Variants in PPFIA2 observed in about 807,000 individuals in gnomAD.
PPFIA2 encodes the protein liprin-alpha-2.
A neutral mutation model predicts 175.5 loss-of-function variants in PPFIA2; 46 were observed. That is an observed-to-expected ratio of 0.26 (90% confidence interval 0.21 to 0.34). The LOEUF is 0.34. Ranked by LOEUF, PPFIA2 falls within the 10% of genes least tolerant of loss-of-function variation. The probability of loss-of-function intolerance (pLI) is 1.00; values close to 1 mark genes in which losing one functional copy is unlikely to be tolerated. For synonymous variants in PPFIA2, 568 were observed against 511.4 expected, an observed-to-expected ratio of 1.11 and a Z score of -1.49; for missense variants, 1,179 against 1,506.1, an observed-to-expected ratio of 0.78 and a Z score of 3.60.
At chr12:81,313,172 T>G (rs1594632152) in intron 22 of PPFIA2, among the ~76,000 whole-genome samples, 2 of 152,108 alleles carry the variant, frequency 1.3e-5, no homozygotes, top group African/African-American at 4.8e-5. Context: ...GGAAGTTAAA[T>G]AATTCAACAA....
chr12:81,553,858 C>A (rs543159363), intron 4 of PPFIA2, among the ~76,000 whole-genome samples: 204 of 152,002 alleles, frequency 1.3e-3, no homozygotes, highest in African/African-American at 4.5e-3. Flanking sequence ...CAGTAAATAA[C>A]TGAGATATAA....
At chr12:81,736,688 A>T (rs2081617750) in intron 3 of PPFIA2, among the ~76,000 whole-genome samples, 1 of 152,028 alleles carries the variant, frequency 6.6e-6, no homozygotes, top group Non-Finnish European at 1.5e-5. Context: ...TGAAAATGGT[A>T]ACTGCTTATT....
intron 4 of PPFIA2, among the ~76,000 whole-genome samples, chr12:81,584,415 G>T (rs1053148951): frequency 6.6e-6 from 1 of 151,710 alleles, no homozygotes; most frequent in Non-Finnish European, 1.5e-5. Context: ...GCTTCTTATA[G>T]TCCTATTATA....
At chr12:81,727,151 T>G (rs1214521595) in intron 3 of PPFIA2, among the ~76,000 whole-genome samples, 2 of 151,304 alleles carry the variant, frequency 1.3e-5, no homozygotes, top group Non-Finnish European at 3.0e-5. Flanking sequence ...GGCCAAGGAA[T>G]TCTGGGTTCC....
chr12:81,306,823 T>A (rs928166437), intron 22 of PPFIA2, among the ~76,000 whole-genome samples: 3 of 152,148 alleles, frequency 2.0e-5, no homozygotes, highest in Admixed American at 2.0e-4. Flanking sequence ...ATTACTGACA[T>A]GAGCCACTGT....
chr12:81,323,255 T>C (rs991243181), intron 22 of PPFIA2, among the ~76,000 whole-genome samples: 1 of 152,008 alleles, frequency 6.6e-6, no homozygotes, highest in African/African-American at 2.4e-5. Context: ...CAAAGACTAA[T>C]GAATCTCTGC....
chr12:81,709,711 T>A (rs1312605623), intron 3 of PPFIA2, among the ~76,000 whole-genome samples: 1 of 152,126 alleles, frequency 6.6e-6, no homozygotes, highest in East Asian at 1.9e-4. Flanking sequence ...ACCATTTCAG[T>A]ACACTAGATT....
chr12:81,586,535 T>G (rs778183613), intron 4 of PPFIA2, among the ~76,000 whole-genome samples: 7 of 151,854 alleles, frequency 4.6e-5, no homozygotes, highest in Non-Finnish European at 8.8e-5. Context: ...ATATACATAT[T>G]TATGACTATA....
At chr12:81,597,439 C>T (rs1238053524) in intron 4 of PPFIA2, among the ~76,000 whole-genome samples, 1 of 151,934 alleles carries the variant, frequency 6.6e-6, no homozygotes, top group Non-Finnish European at 1.5e-5. Flanking sequence ...AAACTTGGTT[C>T]TTAAACCTCC....
intron 4 of PPFIA2, among the ~76,000 whole-genome samples, chr12:81,567,055 T>C (rs1001919395): frequency 6.6e-5 from 10 of 152,234 alleles, no homozygotes; most frequent in African/African-American, 2.4e-4. Flanking sequence ...GGAGAAACTT[T>C]CTTTTTCTTG....
At chr12:81,623,062 G>T (rs1263138746) in intron 4 of PPFIA2, among the ~76,000 whole-genome samples, 3 of 152,108 alleles carry the variant, frequency 2.0e-5, no homozygotes, top group Admixed American at 2.0e-4. Flanking sequence ...AAACAAGATA[G>T]TGACTATTCT....
intron 15 of PPFIA2, among the ~76,000 whole-genome samples, chr12:81,359,247 A>C (rs2061291568): frequency 6.6e-6 from 1 of 152,052 alleles, no homozygotes; most frequent in Non-Finnish European, 1.5e-5. Flanking sequence ...ATATCTGGTA[A>C]CATTAAAAAG....
chr12:81,478,528 T>TAG (rs1456328718), intron 4 of PPFIA2, among the ~76,000 whole-genome samples: 1 of 152,216 alleles, frequency 6.6e-6, no homozygotes, highest in East Asian at 1.9e-4. Flanking sequence ...ATTTTAGATC[T>TAG]TTCCTGCTTT....
At chr12:81,515,922 T>C (rs117150234) in intron 4 of PPFIA2, among the ~76,000 whole-genome samples, 13,872 of 151,982 alleles carry the variant, frequency 0.091, 829 homozygotes, top group Middle Eastern at 0.15. Flanking sequence ...ATTTCCACTA[T>C]ACCAGCACAT....
chr12:81,262,223 A>G (rs964971602), intron 31 of PPFIA2, among the ~76,000 whole-genome samples, 183 bp from the exon 32 acceptor site: 4 of 152,144 alleles, frequency 2.6e-5, no homozygotes, highest in Non-Finnish European at 1.5e-5. Flanking sequence ...ATTTATCCCA[A>G]TGTAAATGAC....
chr12:81,258,180 TG>T lies in PPFIA2; in HGVS notation c.*1513del, dbSNP rs1205288628. Reference sequence around the variant, plus strand: ...AGACTCAATTTTGAAGCTAAATATTTGGGTCACCCAAAGAACACATTTCCTG... The same window carrying T: ...AGACTCAATTTTGAAGCTAAATATTTGGTCACCCAAAGAACACATTTCCTG... On this transcript the variant is annotated 3_prime_UTR_variant, in exon 33 of 33. Transcript: ENST00000549396. The T allele has an allele frequency of 6.6e-6, 1 of 152,148 alleles. No individual in the cohort carries two copies. Among genetic ancestry groups the T allele is most frequent in the Non-Finnish European group, 1.5e-5 (1 of 68,026 alleles). 9.4% of individuals were successfully genotyped at this position (152,148 alleles called of 1,614,324 possible).
chr12:81,274,359 T>G (rs1484684677), intron 28 of PPFIA2, among the ~76,000 whole-genome samples: 1 of 151,818 alleles, frequency 6.6e-6, no homozygotes, highest in African/African-American at 2.4e-5. Flanking sequence ...CTAAGACATA[T>G]TATGTGGTCG....
In PPFIA2 at chr12:81,354,059, T is replaced by C. The variant is rs143831332; in HGVS notation, c.1774-720A>G. Among the ~76,000 whole-genome samples, 353 of 152,332 alleles carry C rather than the reference T, an allele frequency of 2.3e-3. 3 individuals are homozygous for C. Among genetic ancestry groups the C allele is most frequent in the African/African-American group, 8.0e-3 (333 of 41,584 alleles). Reference sequence around the variant, plus strand: ...TATAGCTAAAAAATGCTAATGATCATCTGAGCCTTCAGTGAGTTTTAATCT... The same window carrying C: ...TATAGCTAAAAAATGCTAATGATCACCTGAGCCTTCAGTGAGTTTTAATCT... On this transcript the variant is annotated intron_variant, in intron 16 of 32. Transcript: ENST00000549396.
At chr12:81,321,600 T>C (rs1260044240) in intron 22 of PPFIA2, among the ~76,000 whole-genome samples, 1 of 152,146 alleles carries the variant, frequency 6.6e-6, no homozygotes, top group Non-Finnish European at 1.5e-5. Context: ...GATTTAACTA[T>C]TTGGAGCTTC....
Sources: allele counts gnomAD v4.1 joint callset (sites outside exome capture counted in the v4.1 genomes callset), GRCh38; gene constraint gnomAD v4.1.1; transcripts MANE v1.5; gene names NCBI Gene and HGNC (gene_info 2026-07-23, HGNC 2026-07-21).